The following C1orf94 variants were observed in gnomAD, a reference collection of about 807,000 sequenced individuals.
The protein encoded by C1orf94 is chromosome 1 open reading frame 94.
A neutral mutation model predicts 53.6 loss-of-function variants in C1orf94; 45 were observed. That is an observed-to-expected ratio of 0.84 (90% confidence interval 0.66 to 1.08). C1orf94 has a LOEUF of 1.08. Ranked by LOEUF, C1orf94 falls within the 50% of genes least tolerant of loss-of-function variation. C1orf94 has a pLI of 0.00. For synonymous variants in C1orf94, 304 were observed against 296.1 expected (o/e 1.03, Z -0.27); for missense variants, 762 against 738.9 (o/e 1.03, Z -0.36).
chr1:34,210,821 ATTG>A (rs1642877171), intron 5 of C1orf94, among the ~76,000 whole-genome samples: 1 of 151,954 alleles, frequency 6.6e-6, no homozygotes, highest in African/African-American at 2.4e-5. Flanking sequence ...CGCCTGACTA[ATTG>A]TTGTATTTTT....
intron 1 of C1orf94, among the ~76,000 whole-genome samples, chr1:34,167,731 G>A (rs1034295574): frequency 1.3e-5 from 2 of 151,918 alleles, no homozygotes; most frequent in East Asian, 1.9e-4. Context: ...AACTGATACC[G>A]TCAGACAGCG....
chr1:34,172,066 G>A (rs1443572262), upstream of C1orf94, among the ~76,000 whole-genome samples: 2 of 152,122 alleles, frequency 1.3e-5, no homozygotes, highest in African/African-American at 2.4e-5. Flanking sequence ...CCAATGTCCC[G>A]GCATGGAAGC....
chr1:34,211,194 C>T lies in C1orf94; in HGVS notation c.1525-1016C>T, dbSNP rs145801835. Among the ~76,000 whole-genome samples, 60 of 152,206 alleles carry T rather than the reference C, an allele frequency of 3.9e-4. 1 individual carries two copies. The highest frequency in any genetic ancestry group is 2.1e-3 in the South Asian group (10 of 4,808). Reference sequence around the variant, plus strand: ...AATGTAGTGCTCATTAGGTAACGAGCCCCCCATCATTTAGGTATTCAAGCA... The same window carrying T: ...AATGTAGTGCTCATTAGGTAACGAGTCCCCCATCATTTAGGTATTCAAGCA... On this transcript the variant is annotated intron_variant, in intron 5 of 6. Coordinates refer to ENST00000488417, the MANE Select transcript of C1orf94 (RefSeq NM_001134734.2).
chr1:34,193,494 G>A (rs749390269), intron 1 of C1orf94, among the ~76,000 whole-genome samples: 7 of 152,184 alleles, frequency 4.6e-5, no homozygotes, highest in South Asian at 4.1e-4. Context: ...ATTCAGATTG[G>A]GGAACAACGC....
chr1:34,168,641 C>A (rs917801715), intron 1 of C1orf94, among the ~76,000 whole-genome samples: 1 of 152,160 alleles, frequency 6.6e-6, no homozygotes, highest in Non-Finnish European at 1.5e-5. Context: ...ATCAAGAGGT[C>A]GACACAGTTG....
intron 6 of C1orf94, among the ~76,000 whole-genome samples, chr1:34,214,756 G>A (rs719768): frequency 0.66 from 100,309 of 151,914 alleles, 33,597 homozygotes; most frequent in East Asian, 0.78. Flanking sequence ...GCAGCCCGAG[G>A]AAGGAGCAGC....
At chr1:34,207,786 C>T (rs950478194) in intron 4 of C1orf94, among the ~76,000 whole-genome samples, 4 of 152,158 alleles carry the variant, frequency 2.6e-5, no homozygotes, top group South Asian at 2.1e-4. Flanking sequence ...AATGTGGCTA[C>T]CTTCATAGGC....
chr1:34,212,463 G>C, intron 6 of C1orf94, 57 bp downstream of exon 6: 1 of 1,532,530 alleles, frequency 6.5e-7, no homozygotes, highest in Non-Finnish European at 8.8e-7. Flanking sequence ...GGGAACGGGG[G>C]CAAGTTGGGT....
At chr1:34,186,166 A>T (rs149144265) in intron 1 of C1orf94, among the ~76,000 whole-genome samples, 2 of 152,322 alleles carry the variant, frequency 1.3e-5, no homozygotes, top group African/African-American at 2.4e-5. Flanking sequence ...TGGCCCAGAT[A>T]ACAAAAAATA....
chr1:34,187,962 C>T (rs1642413810), intron 1 of C1orf94, among the ~76,000 whole-genome samples: 2 of 152,120 alleles, frequency 1.3e-5, no homozygotes, highest in Admixed American at 1.3e-4. Context: ...TCTAGAGGGA[C>T]ATTCTCACCT....
At chr1:34,183,530 A>G (rs755988768) in intron 1 of C1orf94, among the ~76,000 whole-genome samples, 1 of 152,228 alleles carries the variant, frequency 6.6e-6, no homozygotes, top group African/African-American at 2.4e-5. Flanking sequence ...AGTGGGTGGC[A>G]TGAACACAGA....
chr1:34,203,659 G>C (rs1642749453), intron 4 of C1orf94, among the ~76,000 whole-genome samples: 1 of 152,080 alleles, frequency 6.6e-6, no homozygotes, highest in African/African-American at 2.4e-5. Context: ...CTTGTTCTTG[G>C]GATCATAGCT....
Position 34,177,739 on chromosome 1 carries a change from C to A in C1orf94, c.-51C>A. 1 of 1,467,184 alleles carries A rather than the reference C, an allele frequency of 6.8e-7. No homozygotes were observed. Among genetic ancestry groups the A allele is most frequent in the Non-Finnish European group, 9.1e-7 (1 of 1,100,936 alleles). 90.9% of individuals were successfully genotyped at this position (1,467,184 alleles called of 1,614,324 possible). A position where few individuals can be genotyped will look rare whatever the true frequency, so the allele number is the denominator to read the frequency against. On this transcript the variant is annotated 5_prime_UTR_variant, in exon 1 of 7. Coordinates refer to ENST00000488417, the MANE Select transcript of C1orf94 (RefSeq NM_001134734.2). ...CCACCTTGCTGGAGCGAAAGCCAGA[C>A]AGAACTGACCCACTTCTGCCAAGCC...
intron 4 of C1orf94, among the ~76,000 whole-genome samples, chr1:34,205,827 A>G (rs1642784417): frequency 6.6e-6 from 1 of 152,164 alleles, no homozygotes; most frequent in South Asian, 2.1e-4. Flanking sequence ...GATGTGAAAG[A>G]CAAAGTCCCC....
intron 1 of C1orf94, among the ~76,000 whole-genome samples, chr1:34,196,143 G>A (rs554422487): frequency 3.3e-5 from 5 of 152,314 alleles, no homozygotes; most frequent in South Asian, 2.1e-4. Context: ...GGTGGCTCTT[G>A]TCCTCCTGGG....
rs182970576 is a variant in C1orf94, at chr1:34,208,628, G to A, written c.1524+394G>A. Among the ~76,000 whole-genome samples the A allele has an allele frequency of 1.9e-4, 29 of 152,272 alleles. No individual in the cohort carries two copies. The South Asian group carries it at 3.1e-3, about 16-fold the overall frequency. On this transcript the variant is annotated intron_variant, in intron 5 of 6. Coordinates refer to ENST00000488417, the MANE Select transcript of C1orf94 (RefSeq NM_001134734.2). ...GGTGTTGCTGTGGCAATACATAACC[G>A]CCACATCTCGGGGACTTTCAACAAT...
chr1:34,170,954 TACTTACA>T (rs2148608004), intron 1 of C1orf94, among the ~76,000 whole-genome samples: 1 of 152,328 alleles, frequency 6.6e-6, no homozygotes, highest in Admixed American at 6.5e-5. Context: ...TGTTTCAGGT[TACTTACA>T]ACAACTGAGT....
chr1:34,169,709 G>T (rs1642114640), intron 1 of C1orf94, among the ~76,000 whole-genome samples: 1 of 151,998 alleles, frequency 6.6e-6, no homozygotes, highest in Non-Finnish European at 1.5e-5. Context: ...GCAGAGAAGG[G>T]CTACAGGACA....
intron 1 of C1orf94, among the ~76,000 whole-genome samples, chr1:34,181,455 T>A (rs1264839547): frequency 1.3e-5 from 2 of 152,220 alleles, no homozygotes; most frequent in African/African-American, 4.8e-5. Flanking sequence ...CGACTTTCAC[T>A]CTGTGGACAC....
Sources: allele counts gnomAD v4.1 joint callset (sites outside exome capture counted in the v4.1 genomes callset), GRCh38; gene constraint gnomAD v4.1.1; transcripts MANE v1.5; gene names NCBI Gene and HGNC (gene_info 2026-07-23, HGNC 2026-07-21).